Variants in DUSP8 observed in about 807,000 individuals in gnomAD.
DUSP8 encodes dual specificity phosphatase 8.
In DUSP8, 15 loss-of-function variants were observed where a neutral mutation model predicts 38.7. The observed-to-expected ratio is 0.39, with a 90% CI of 0.26 to 0.60. The LOEUF (loss-of-function observed/expected upper bound fraction) is 0.60, where lower values mean the gene tolerates loss of function less well. Ranked by LOEUF, DUSP8 falls within the 20% of genes least tolerant of loss-of-function variation. DUSP8 has a pLI of 0.56. For synonymous variants in DUSP8, 458 were observed against 433.9 expected, an observed-to-expected ratio of 1.06 and a Z score of -0.69; for missense variants, 768 against 915.0, an observed-to-expected ratio of 0.84 and a Z score of 2.07.
Position 1,557,323 on chromosome 11 carries a change from G to C in DUSP8, c.1073C>G (p.Pro358Arg), listed in dbSNP as rs563264932. The part of the protein sequence containing the change: ...REGGLSAGGE[P>R]PAPPTPPATS... ...CGCCGGGGGCGTGGGGGGCGCGGGG[G>C]GCTCCCCGCCCGCGCTCAGGCCGCC... is the stretch of plus-strand genomic sequence containing the variant. Residue 358 changes from proline to arginine, a missense_variant, in exon 7 of 7, where the codon CCC (proline) becomes CGC (arginine). Pro to Arg is a moderately radical substitution (Grantham distance 103). Transcript: ENST00000397374. This position sits in a 1 kb window ranked among gnomAD's most constrained non-coding sequence, Gnocchi z 9.9. 1 of 1,498,748 alleles carries C rather than the reference G, an allele frequency of 6.7e-7. No individual in the cohort carries two copies. The highest frequency in any genetic ancestry group is 8.8e-7 in the Non-Finnish European group (1 of 1,136,172). The allele number at this position is 1,498,748 out of a possible 1,614,324, so 92.8% of individuals were successfully genotyped here. A position where few individuals can be genotyped will look rare whatever the true frequency, so the allele number is the denominator to read the frequency against.
At position 1,563,870 on chromosome 11, in the gene DUSP8, G is replaced by A; in HGVS notation, c.351C>T (p.Asp117=). The part of the protein sequence containing the change: ...ILLSKLDGCF[D]SVAILTGGFA... ...ACTCACCAGTGAGGATGGCCACGCT[G>A]TCGAAGCAGCCGTCCAGCTTGCTCA... Residue 117 remains aspartate, a synonymous_variant, in exon 3 of 7, where the codon GAC becomes GAT. Transcript: ENST00000397374. 6.5e-7 allele frequency: 1 copy of A among 1,542,228 alleles called. No homozygotes were observed. Among genetic ancestry groups the A allele is most frequent in the Non-Finnish European group, 8.7e-7 (1 of 1,143,110 alleles).
chr11:1,568,153 G>A (rs1848833296), intron 1 of DUSP8, among the ~76,000 whole-genome samples: 1 of 152,188 alleles, frequency 6.6e-6, no homozygotes, highest in African/African-American at 2.4e-5. Flanking sequence ...AGTGGGGGTG[G>A]ATTCTCTCTC....
intron 3 of DUSP8, among the ~76,000 whole-genome samples, chr11:1,559,919 T>C (rs1414494038): frequency 6.6e-6 from 1 of 152,188 alleles, no homozygotes; most frequent in Non-Finnish European, 1.5e-5. Flanking sequence ...GTGCACACCA[T>C]GGCTCTGGTC....
At chr11:1,571,338 C>A (rs11823341) in intron 1 of DUSP8, 82,079 of 151,842 alleles carry the variant, frequency 0.54, 22,562 homozygotes, top group African/African-American at 0.56. Flanking sequence ...GCTGGGCACC[C>A]CGGGATGGGG....
In DUSP8 at chr11:1,557,212, G is replaced by C. The variant is rs1381444531; in HGVS notation, c.1184C>G (p.Ser395Cys). ...QDTNRLKRSF[S>C]LDIKSAYAPS... The stretch of plus-strand genomic sequence containing the variant: ...GGCGTAGGCAGACTTGATGTCCAGG[G>C]AGAAGGAGCGCTTGAGGCGGTTAGT... The change falls in exon 7 of 7, where the codon TCC (serine) becomes TGC (cysteine). Residue 395 changes from serine to cysteine, a missense_variant. Around this residue, in one of 3 missense-constraint regions of DUSP8, gnomAD observed 474 missense variants for 430.8 expected, o/e 1.10. Transcript: ENST00000397374. This position sits in a 1 kb window ranked among gnomAD's most constrained non-coding sequence, Gnocchi z 9.9. 2 of 1,496,270 alleles carry C rather than the reference G, an allele frequency of 1.3e-6. No individual in the cohort carries two copies. Among genetic ancestry groups the C allele is most frequent in the South Asian group, 1.3e-5 (1 of 79,932 alleles). 92.7% of individuals were successfully genotyped at this position (1,496,270 alleles called of 1,614,324 possible). A position where few individuals can be genotyped will look rare whatever the true frequency, so the allele number is the denominator to read the frequency against.
At chr11:1,559,186 G>A (rs899887996) in intron 3 of DUSP8, 131 bp from the exon 4 acceptor site, 9 of 898,420 alleles carry the variant, frequency 1.0e-5, no homozygotes, top group Non-Finnish European at 1.3e-5. Context: ...ACCCGAGCCT[G>A]AGCCCAGCCG....
chr11:1,566,305 A>T (rs1848803470), intron 1 of DUSP8, among the ~76,000 whole-genome samples: 1 of 152,022 alleles, frequency 6.6e-6, no homozygotes, highest in Non-Finnish European at 1.5e-5. Flanking sequence ...ACCCCCAGCA[A>T]GTCGGGGTCT....
rs1043880932 is a variant in DUSP8, at chr11:1,556,415, G to A, written c.*103C>T. 13 of 1,218,586 alleles carry A rather than the reference G, an allele frequency of 1.1e-5. No homozygotes were observed. The highest frequency in any genetic ancestry group is 2.0e-6 in the Non-Finnish European group (2 of 976,822). The allele number at this position is 1,218,586 out of a possible 1,614,324, so 75.5% of individuals were successfully genotyped here. On this transcript the variant is annotated 3_prime_UTR_variant, in exon 7 of 7. Transcript: ENST00000397374. This position sits in a 1 kb window ranked among gnomAD's most constrained non-coding sequence, Gnocchi z 5.2. ...TAAAAAATCGAAATATTTACTTCTC[G>A]ATAAAAATCCCAGTAAAACCATTTA...
Position 1,556,055 on chromosome 11 carries a change from G to C in DUSP8, c.*463C>G. On this transcript the variant is annotated 3_prime_UTR_variant, in exon 7 of 7. Coordinates refer to ENST00000397374, the MANE Select transcript of DUSP8 (RefSeq NM_004420.3). The surrounding 1 kb of genome is among the most constrained non-coding windows in gnomAD (Gnocchi z 5.2). ...TGGCTTTGGTGCAGAGCCCTAGGCC[G>C]GCGCAGAGAAGGGAGGGAGCAGGGG... 6.6e-6 allele frequency: 1 copy of C among 152,492 alleles called. No individual in the cohort carries two copies. The highest frequency in any genetic ancestry group is 2.1e-4 in the South Asian group (1 of 4,832). 9.4% of individuals were successfully genotyped at this position (152,492 alleles called of 1,614,324 possible).
In DUSP8 at chr11:1,572,248, C is replaced by T. The variant is rs1848916705; in HGVS notation, c.-456G>A. 6.8e-6 allele frequency among the ~76,000 whole-genome samples: 1 copy of T among 147,502 alleles called. No individual in the cohort carries two copies. Among genetic ancestry groups the T allele is most frequent in the Non-Finnish European group, 1.5e-5 (1 of 66,272 alleles). ...CGGGGCGTCGTGGGGGGAGCCGGCT[C>T]GGCCGCCGCGCTCGGCCGCGAGTGA... is the stretch of plus-strand genomic sequence containing the variant. On this transcript the variant is annotated 5_prime_UTR_variant, in exon 1 of 7. Coordinates refer to ENST00000397374, the MANE Select transcript of DUSP8 (RefSeq NM_004420.3). The surrounding 1 kb of genome is among the most constrained non-coding windows in gnomAD (Gnocchi z 4.7).
In DUSP8 at chr11:1,572,236, G is replaced by A. The variant is rs1291845463; in HGVS notation, c.-444C>T. Reference sequence around the variant, plus strand: ...TCCGGCGTCCGGCGGGGCGTCGTGGGGGGAGCCGGCTCGGCCGCCGCGCTC... The same window carrying A: ...TCCGGCGTCCGGCGGGGCGTCGTGGAGGGAGCCGGCTCGGCCGCCGCGCTC... On this transcript the variant is annotated 5_prime_UTR_variant, in exon 1 of 7. Coordinates refer to ENST00000397374, the MANE Select transcript of DUSP8 (RefSeq NM_004420.3). This position sits in a 1 kb window ranked among gnomAD's most constrained non-coding sequence, Gnocchi z 4.7. 3.4e-5 allele frequency among the ~76,000 whole-genome samples: 5 copies of A among 146,998 alleles called. No individual in the cohort carries two copies. Among genetic ancestry groups the A allele is most frequent in the Non-Finnish European group, 7.6e-5 (5 of 66,080 alleles).
rs552663309 is a variant in DUSP8, at chr11:1,563,882, G to A, written c.339C>T (p.Asp113=). 78 of 1,549,782 alleles carry A rather than the reference G, an allele frequency of 5.0e-5. No individual in the cohort carries two copies. Among genetic ancestry groups the A allele is most frequent in the East Asian group, 2.9e-4 (12 of 41,288 alleles). ...SFLSILLSKL[D]GCFDSVAILT... ...GGATGGCCACGCTGTCGAAGCAGCC[G>A]TCCAGCTTGCTCAGCAGGATGGAGA... is the stretch of plus-strand genomic sequence containing the variant. The change falls in exon 3 of 7, where the codon GAC becomes GAT. Residue 113 remains aspartate, a synonymous_variant. Transcript: ENST00000397374.
Position 1,558,676 on chromosome 11 carries a change from C to T in DUSP8, c.537+213G>A, listed in dbSNP as rs974718704. ...TCCCCGCTCCTCCCCCGAGCCCTGC[C>T]GGGCCCTCCCGCAAGCCCTGCTGTG... is the stretch of plus-strand genomic sequence containing the variant. On this transcript the variant is annotated intron_variant, in intron 4 of 6. Coordinates refer to ENST00000397374, the MANE Select transcript of DUSP8 (RefSeq NM_004420.3). The surrounding 1 kb of genome is among the most constrained non-coding windows in gnomAD (Gnocchi z 6.3). Among the ~76,000 whole-genome samples the T allele has an allele frequency of 5.9e-5, 9 of 152,264 alleles. No homozygotes were observed. The East Asian group carries it at 1.2e-3, about 20-fold the overall frequency.
At chr11:1,567,140 C>T (rs1251695754) in intron 1 of DUSP8, among the ~76,000 whole-genome samples, 2 of 152,206 alleles carry the variant, frequency 1.3e-5, no homozygotes. Flanking sequence ...TTCCCTGTGC[C>T]CCCACAGCTG....
intron 1 of DUSP8, among the ~76,000 whole-genome samples, chr11:1,570,319 G>A (rs1031862147): frequency 6.6e-6 from 1 of 152,158 alleles, no homozygotes; most frequent in Non-Finnish European, 1.5e-5. Context: ...GAGCAACTCC[G>A]GCAGAGGGGG....
Position 1,558,412 on chromosome 11 carries a change from C to G in DUSP8, c.538-141G>C. On this transcript the variant is annotated intron_variant, in intron 4 of 6. Coordinates refer to ENST00000397374, the MANE Select transcript of DUSP8 (RefSeq NM_004420.3). The surrounding 1 kb of genome is among the most constrained non-coding windows in gnomAD (Gnocchi z 6.3). ...GAATTTGTCCCAGATCCCAGTGTAT[C>G]CAGGGGAGGGCCCAGGAGGCCTCTC... 1.2e-6 allele frequency: 1 copy of G among 811,320 alleles called. No homozygotes were observed. The highest frequency in any genetic ancestry group is 1.8e-5 in the South Asian group (1 of 56,172). The allele number at this position is 811,320 out of a possible 1,614,324, so 50.3% of individuals were successfully genotyped here.
At position 1,556,643 on chromosome 11, in the gene DUSP8, G is replaced by C; in HGVS notation, c.1753C>G (p.Arg585Gly). ...TCGAACTCCATCTGGCAGCTGCGGC[G>C]CTTGAACTGCGTCTCCGGGGCCGGC... ...EEPAPETQFK[R>G]RSCQMEFEEG... Residue 585 changes from arginine to glycine, a missense_variant, in exon 7 of 7, where the codon CGC (arginine) becomes GGC (glycine). By Grantham distance (125) the Arg-to-Gly change is moderately radical (BLOSUM62 -2). Coordinates refer to ENST00000397374, the MANE Select transcript of DUSP8 (RefSeq NM_004420.3). The surrounding 1 kb of genome is among the most constrained non-coding windows in gnomAD (Gnocchi z 5.2). The C allele has an allele frequency of 7.1e-7, 1 of 1,416,030 alleles. No individual in the cohort carries two copies. Among genetic ancestry groups the C allele is most frequent in the Non-Finnish European group, 9.2e-7 (1 of 1,081,672 alleles). 87.7% of individuals were successfully genotyped at this position (1,416,030 alleles called of 1,614,324 possible). A position where few individuals can be genotyped will look rare whatever the true frequency, so the allele number is the denominator to read the frequency against.
At chr11:1,562,702 CAT>C (rs1249852532) in intron 3 of DUSP8, among the ~76,000 whole-genome samples, 4 of 152,008 alleles carry the variant, frequency 2.6e-5, no homozygotes, top group East Asian at 1.9e-4. Flanking sequence ...CACACACACA[CAT>C]ACATGCACAC....
chr11:1,560,866 C>T (rs572488965), intron 3 of DUSP8, among the ~76,000 whole-genome samples: 1 of 152,316 alleles, frequency 6.6e-6, no homozygotes, highest in Admixed American at 6.5e-5. Flanking sequence ...CAGGGCCTGG[C>T]CAAAGGAGGA....
Sources: gnomAD v4.1 joint callset for allele counts (sites outside exome capture counted in the v4.1 genomes callset) on GRCh38, gnomAD v4.1.1 for gene constraint, gnomAD v4.1.1 regional missense constraint, Gnocchi (gnomAD v3.1) non-coding constraint, MANE v1.5 for transcripts, NCBI Gene and HGNC (gene_info 2026-07-23, HGNC 2026-07-21) for gene names.